ITPR1: variants seen among roughly 807,000 people sequenced by gnomAD.
ITPR1 encodes inositol 1,4,5-trisphosphate-gated calcium channel ITPR1.
ITPR1 carries 96 observed loss-of-function variants against 318.4 expected under a neutral mutation model. That is an observed-to-expected ratio of 0.30 (90% CI 0.26 to 0.36). The LOEUF is 0.36. ITPR1 is among the 10% of genes least tolerant of loss of function. The probability of loss-of-function intolerance (pLI) is 1.00; values close to 1 mark genes in which losing one functional copy is unlikely to be tolerated. For missense variants in ITPR1, 2,440 were observed against 3,460.2 expected, an observed-to-expected ratio of 0.71 and a Z score of 7.40; for synonymous variants, 1,312 against 1,289.9, an observed-to-expected ratio of 1.02 and a Z score of -0.37.
intron 44 of ITPR1, among the ~76,000 whole-genome samples, chr3:4,761,151 T>G (rs756951147): frequency 7.2e-5 from 11 of 152,280 alleles, no homozygotes; most frequent in Middle Eastern, 3.4e-3. Flanking sequence ...AACTTTTATT[T>G]TAGATTCAGG....
chr3:4,607,987 CT>C (rs2091822373), intron 4 of ITPR1, among the ~76,000 whole-genome samples: 1 of 152,066 alleles, frequency 6.6e-6, no homozygotes, highest in Admixed American at 6.6e-5. Flanking sequence ...CTCTCATTAG[CT>C]TTACAAAGGG....
At chr3:4,756,019 T>A (rs2044945818) in intron 44 of ITPR1, among the ~76,000 whole-genome samples, 1 of 152,184 alleles carries the variant, frequency 6.6e-6, no homozygotes, top group African/African-American at 2.4e-5. Flanking sequence ...CCATCAGACC[T>A]TGCAAAAAAG....
intron 51 of ITPR1, among the ~76,000 whole-genome samples, chr3:4,785,553 A>G (rs2125402685): frequency 9.1e-6 from 1 of 109,408 alleles, no homozygotes; most frequent in South Asian, 3.2e-4. Context: ...CAACCATGCC[A>G]GTGTATGTGA....
At chr3:4,586,883 A>G (rs1227969314) in intron 4 of ITPR1, among the ~76,000 whole-genome samples, 1 of 151,404 alleles carries the variant, frequency 6.6e-6, no homozygotes, top group Admixed American at 6.6e-5. Context: ...ACTTCCCTTC[A>G]CTTGTTACCT....
chr3:4,675,260 A>G lies in ITPR1; in HGVS notation c.2779+12A>G, dbSNP rs986608128. 6.3e-7 allele frequency: 1 copy of G among 1,599,778 alleles called. No individual in the cohort carries two copies. The highest frequency in any genetic ancestry group is 1.7e-4 in the Middle Eastern group (1 of 6,022). On this transcript the variant is annotated intron_variant, in intron 23 of 61. Transcript: ENST00000649015. Reference sequence around the variant, plus strand: ...GGAGAAGCTGAAGAGTGAGTATCTGAGGGTGCCCATACATCTGAGAGATGC... The same window carrying G: ...GGAGAAGCTGAAGAGTGAGTATCTGGGGGTGCCCATACATCTGAGAGATGC...
rs1385562130 is a variant in ITPR1, at chr3:4,697,132, C to T, written c.4282-15C>T. Reference sequence around the variant, plus strand: ...CCAAGATGGTTTTTCAGAAAAGCTTCTTTCTATCTTGCAGGTTAAAATTGC... The same window carrying T: ...CCAAGATGGTTTTTCAGAAAAGCTTTTTTCTATCTTGCAGGTTAAAATTGC... On this transcript the variant is annotated splice_polypyrimidine_tract_variant and intron_variant, in intron 33 of 61. Transcript: ENST00000649015. The T allele has an allele frequency of 5.0e-6, 8 of 1,609,112 alleles. No homozygotes were observed. The South Asian group carries it at 5.6e-5, about 11-fold the overall frequency.
At chr3:4,547,611 T>C (rs1252828405) in intron 4 of ITPR1, among the ~76,000 whole-genome samples, 3 of 152,256 alleles carry the variant, frequency 2.0e-5, no homozygotes, top group Non-Finnish European at 4.4e-5. Context: ...TACACGCTAA[T>C]ACCTTTGGAA....
In ITPR1 at chr3:4,645,799, C is replaced by A. The variant is rs567654684; in HGVS notation, c.855+71C>A. On this transcript the variant is annotated intron_variant, in intron 10 of 61. Coordinates refer to ENST00000649015, the MANE Select transcript of ITPR1 (RefSeq NM_001378452.1). ...GCCTGTATATAGGCTCTCTCTCTCT[C>A]TATCCTACAAATATTCATACATACA... 4.6e-4 allele frequency: 644 copies of A among 1,413,698 alleles called. 3 individuals are homozygous for A. In the African/African-American group the frequency reaches 5.6e-3, roughly 12 times the overall value. The allele number at this position is 1,413,698 out of a possible 1,614,324, so 87.6% of individuals were successfully genotyped here. A position where few individuals can be genotyped will look rare whatever the true frequency, so the allele number is the denominator to read the frequency against.
At chr3:4,759,859 C>G (rs2045308561) in intron 44 of ITPR1, among the ~76,000 whole-genome samples, 1 of 152,186 alleles carries the variant, frequency 6.6e-6, no homozygotes, top group Non-Finnish European at 1.5e-5. Context: ...GCAGCCATGC[C>G]CACTTCCCTT....
At chr3:4,523,291 A>G (rs1042901362) in intron 4 of ITPR1, among the ~76,000 whole-genome samples, 8 of 152,224 alleles carry the variant, frequency 5.3e-5, no homozygotes, top group African/African-American at 1.9e-4. Flanking sequence ...TTTTTTACAA[A>G]TACATGCACA....
At chr3:4,711,484 C>G in intron 38 of ITPR1, 1 of 352,918 alleles carries the variant, frequency 2.8e-6, no homozygotes, top group South Asian at 5.2e-5. Context: ...GGACCTCTGT[C>G]TCGGTTCTCC....
intron 18 of ITPR1, 54 bp from the exon 19 acceptor site, chr3:4,669,600 G>GA: frequency 1.3e-6 from 2 of 1,542,596 alleles, no homozygotes; most frequent in Non-Finnish European, 1.8e-6. Context: ...TGGGGTCCAG[G>GA]AGCCTAACCT....
chr3:4,641,270 C>G (rs1353764981), intron 6 of ITPR1, among the ~76,000 whole-genome samples: 1 of 152,190 alleles, frequency 6.6e-6, no homozygotes, highest in Non-Finnish European at 1.5e-5. Context: ...TTCAGTCTTT[C>G]CATATTCCTC....
intron 4 of ITPR1, among the ~76,000 whole-genome samples, chr3:4,567,785 G>A (rs917673831): frequency 6.6e-6 from 1 of 152,066 alleles, no homozygotes; most frequent in Non-Finnish European, 1.5e-5. Context: ...TGTACTTTTA[G>A]TAGAGATGGG....
At position 4,815,158 on chromosome 3, in the gene ITPR1, G is replaced by C; in HGVS notation, c.7807G>C (p.Asp2603His). Reference protein sequence around the residue: ...IFGVIIDTFADLRSEKQKKEE... With the variant: ...IFGVIIDTFAHLRSEKQKKEE... ...TGGGGTTATCATTGACACTTTTGCT[G>C]ACCTGAGGAGTGAGAAGCAGAAGAA... Residue 2603 changes from aspartate (D) to histidine (H), a missense_variant, in exon 59 of 62, where the codon GAC becomes CAC. By Grantham distance (81) the Asp-to-His change is moderately conservative (BLOSUM62 -1). Transcript: ENST00000649015. 6.2e-7 allele frequency: 1 copy of C among 1,613,940 alleles called. No individual in the cohort carries two copies. Among genetic ancestry groups the C allele is most frequent in the Non-Finnish European group, 8.5e-7 (1 of 1,179,866 alleles).
At chr3:4,573,782 C>G (rs2088291329) in intron 4 of ITPR1, among the ~76,000 whole-genome samples, 1 of 152,332 alleles carries the variant, frequency 6.6e-6, no homozygotes, top group South Asian at 2.1e-4. Flanking sequence ...AAGGTACTCA[C>G]TGTCAACTTT....
intron 31 of ITPR1, among the ~76,000 whole-genome samples, chr3:4,689,357 AG>A (rs1384210095): frequency 6.6e-6 from 1 of 152,240 alleles, no homozygotes; most frequent in Non-Finnish European, 1.5e-5. Context: ...TTCCAGAAAA[AG>A]GATTGCTGGA....
intron 4 of ITPR1, among the ~76,000 whole-genome samples, chr3:4,560,703 GGAACA>G (rs2086587172): frequency 6.6e-6 from 1 of 152,138 alleles, no homozygotes; most frequent in Admixed American, 6.5e-5. Context: ...CAGTTCTGGA[GGAACA>G]GATTAACTTT....
intron 4 of ITPR1, among the ~76,000 whole-genome samples, chr3:4,545,622 CAA>C (rs56829358): frequency 9.6e-4 from 66 of 68,734 alleles, no homozygotes; most frequent in East Asian, 1.1e-3. Context: ...GACCCGGTCT[CAA>C]AAAAAAAAAA....
Sources: allele counts gnomAD v4.1 joint callset (sites outside exome capture counted in the v4.1 genomes callset), GRCh38; gene constraint gnomAD v4.1.1; transcripts MANE v1.5; gene names NCBI Gene and HGNC (gene_info 2026-07-23, HGNC 2026-07-21).